The following OR52E5 variants were observed in gnomAD, a reference collection of about 807,000 sequenced individuals.
OR52E5 encodes olfactory receptor family 52 subfamily E member 5.
chr11:5,900,317 G>A (rs1847231848), intron 2 of OR52E5, among the ~76,000 whole-genome samples: 2 of 151,818 alleles, frequency 1.3e-5, no homozygotes, highest in African/African-American at 2.4e-5. Flanking sequence ...GATCTAATTT[G>A]CAAGAATGTA....
intron 2 of OR52E5, among the ~76,000 whole-genome samples, chr11:5,897,970 T>G: frequency 6.6e-6 from 1 of 151,970 alleles, no homozygotes; most frequent in East Asian, 1.9e-4. Flanking sequence ...TCCAGTGATC[T>G]TCTCACCTCA....
At chr11:5,898,375 A>G (rs926600966) in intron 2 of OR52E5, among the ~76,000 whole-genome samples, 1 of 152,006 alleles carries the variant, frequency 6.6e-6, no homozygotes, top group Admixed American at 6.6e-5. Flanking sequence ...ATTTTCTCCC[A>G]TTTTGTAGGT....
intron 2 of OR52E5, among the ~76,000 whole-genome samples, chr11:5,898,404 ATTG>A (rs540614360): frequency 5.8e-4 from 88 of 152,202 alleles, no homozygotes; most frequent in African/African-American, 2.1e-3. Context: ...TACTCTGTGA[ATTG>A]TTTATTTTGG....
At chr11:5,896,138 G>T (rs1482990372) in intron 2 of OR52E5, among the ~76,000 whole-genome samples, 1 of 147,478 alleles carries the variant, frequency 6.8e-6, no homozygotes, top group Non-Finnish European at 1.5e-5. Context: ...ACAGAACAGG[G>T]TATAATAATC....
chr11:5,895,110 T>C (rs1847155513), intron 1 of OR52E5, among the ~76,000 whole-genome samples: 1 of 152,174 alleles, frequency 6.6e-6, no homozygotes, highest in African/African-American at 2.4e-5. Flanking sequence ...TTTTTTCAGT[T>C]GTTGTGTTTA....
chr11:5,898,632 G>A (rs1463513026), intron 2 of OR52E5, among the ~76,000 whole-genome samples: 1 of 152,108 alleles, frequency 6.6e-6, no homozygotes, highest in Non-Finnish European at 1.5e-5. Context: ...GTAAGAAGTA[G>A]GGGTCCAGTT....
intron 2 of OR52E5, among the ~76,000 whole-genome samples, chr11:5,899,010 C>T (rs930874006): frequency 1.3e-5 from 2 of 152,096 alleles, no homozygotes; most frequent in Non-Finnish European, 2.9e-5. Flanking sequence ...TTCATAGAAT[C>T]TGTAGATTGC....
chr11:5,895,827 C>T (rs1847165567), intron 2 of OR52E5, 114 bp downstream of exon 2: 1 of 152,338 alleles, frequency 6.6e-6, no homozygotes, highest in South Asian at 2.1e-4. Flanking sequence ...CTTTGATAGG[C>T]TGAGGCAGGC....
At position 5,902,341 on chromosome 11, in the gene OR52E5, A is replaced by T. The variant is rs1847267180; in HGVS notation, c.*581A>T. 2 of 152,448 alleles carry T rather than the reference A, an allele frequency of 1.3e-5. No individual in the cohort carries two copies. The highest frequency in any genetic ancestry group is 4.1e-4 in the South Asian group (2 of 4,838). 9.4% of individuals were successfully genotyped at this position (152,448 alleles called of 1,614,324 possible). A position where few individuals can be genotyped will look rare whatever the true frequency, so the allele number is the denominator to read the frequency against. ...GCTTGTAAAACATTAAAAGATTTGG[A>T]AACAAAATGAGTGCTTACTAAACAT... On this transcript the variant is annotated 3_prime_UTR_variant, in exon 3 of 3. Coordinates refer to ENST00000610445, the MANE Select transcript of OR52E5 (RefSeq NM_001005166.5).
chr11:5,899,386 G>T (rs1033716720), intron 2 of OR52E5, among the ~76,000 whole-genome samples: 2 of 152,206 alleles, frequency 1.3e-5, no homozygotes, highest in African/African-American at 4.8e-5. Context: ...TAGCAGAATC[G>T]TGACATATCT....
At position 5,901,822 on chromosome 11, in the gene OR52E5, A is replaced by G. The variant is rs1847259426; in HGVS notation, c.*62A>G. 1 of 399,544 alleles carries G rather than the reference A, an allele frequency of 2.5e-6. No individual in the cohort carries two copies. Among genetic ancestry groups the G allele is most frequent in the Non-Finnish European group, 4.4e-6 (1 of 225,974 alleles). The allele number at this position is 399,544 out of a possible 1,614,324, so 24.7% of individuals were successfully genotyped here. A position where few individuals can be genotyped will look rare whatever the true frequency, so the allele number is the denominator to read the frequency against. ...TTTACTACTTCTCTTGCATTCCCAC[A>G]TGAGCCAATAGCATTATATCCCCTA... is the stretch of plus-strand genomic sequence containing the variant. On this transcript the variant is annotated 3_prime_UTR_variant, in exon 3 of 3. Coordinates refer to ENST00000610445, the MANE Select transcript of OR52E5 (RefSeq NM_001005166.5).
chr11:5,901,249 T>G lies in OR52E5; in HGVS notation c.473T>G (p.Val158Gly), dbSNP rs947075339. The stretch of plus-strand genomic sequence containing the variant: ...ATCATTGTCAGGACTTTGGTATTTG[T>G]GACTCCATTCACATTTCTCATCCTG... ...IVIIVRTLVF[V>G]TPFTFLILRL... Residue 158 changes from valine (V) to glycine (G), a missense_variant, in exon 3 of 3, where the codon GTG becomes GGG. Transcript: ENST00000610445. 5.0e-6 allele frequency: 2 copies of G among 400,450 alleles called. No homozygotes were observed. Among genetic ancestry groups the G allele is most frequent in the Non-Finnish European group, 4.4e-6 (1 of 226,370 alleles). 24.8% of individuals were successfully genotyped at this position (400,450 alleles called of 1,614,324 possible).
intron 1 of OR52E5, among the ~76,000 whole-genome samples, chr11:5,895,030 A>G (rs1847154559): frequency 6.6e-6 from 1 of 152,000 alleles, no homozygotes; most frequent in African/African-American, 2.4e-5. Context: ...GACTCAATGT[A>G]AAGAAAAGAT....
chr11:5,899,799 G>T (rs1443806891), intron 2 of OR52E5, among the ~76,000 whole-genome samples: 1 of 152,100 alleles, frequency 6.6e-6, no homozygotes, highest in Non-Finnish European at 1.5e-5. Flanking sequence ...TTACAAACCA[G>T]ACTCAACCAC....
intron 2 of OR52E5, among the ~76,000 whole-genome samples, chr11:5,895,930 T>C (rs1038600548): frequency 6.6e-6 from 1 of 151,922 alleles, no homozygotes; most frequent in Admixed American, 6.6e-5. Context: ...GCACCTGTAA[T>C]CCTAGCTACT....
intron 2 of OR52E5, among the ~76,000 whole-genome samples, chr11:5,898,223 G>C (rs1301582334): frequency 6.6e-6 from 1 of 152,008 alleles, no homozygotes; most frequent in Non-Finnish European, 1.5e-5. Context: ...TCATATGCTT[G>C]TTAGCTGTTT....
chr11:5,894,702 A>G (rs1400209214), intron 1 of OR52E5, among the ~76,000 whole-genome samples: 2 of 152,184 alleles, frequency 1.3e-5, no homozygotes, highest in Non-Finnish European at 2.9e-5. Flanking sequence ...TGGAATAAAG[A>G]CTTTTTTCAT....
At chr11:5,900,164 C>A (rs1016717184) in intron 2 of OR52E5, among the ~76,000 whole-genome samples, 2 of 152,080 alleles carry the variant, frequency 1.3e-5, no homozygotes, top group Admixed American at 6.6e-5. Context: ...TAAGAGGGAG[C>A]ATTGTTTTTC....
chr11:5,898,068 A>C (rs2134292328), intron 2 of OR52E5, among the ~76,000 whole-genome samples: 1 of 151,606 alleles, frequency 6.6e-6, no homozygotes. Flanking sequence ...TATGTTTCCC[A>C]GGCTGATCTG....
Sources: gnomAD v4.1 joint callset for allele counts (sites outside exome capture counted in the v4.1 genomes callset) on GRCh38, gnomAD v4.1.1 for gene constraint, MANE v1.5 for transcripts, NCBI Gene and HGNC (gene_info 2026-07-23, HGNC 2026-07-21) for gene names.